UGGT2: variants seen among roughly 807,000 people sequenced by gnomAD.
UGGT2 encodes the protein UDP-glucose:glycoprotein glucosyltransferase 2.
Under a neutral mutation model 192.1 loss-of-function variants are expected in UGGT2, and 180 were observed. That is an observed-to-expected ratio of 0.94 (90% confidence interval 0.83 to 1.06). The LOEUF is 1.06. UGGT2 is among the 50% of genes least tolerant of loss of function. The probability of loss-of-function intolerance (pLI) is 0.00; values close to 1 mark genes in which losing one functional copy is unlikely to be tolerated. For synonymous variants in UGGT2, 580 were observed against 591.0 expected (o/e 0.98, Z 0.27); for missense variants, 1,849 against 1,795.7 (o/e 1.03, Z -0.54).
At chr13:96,048,639 A>C (rs972157002) in intron 1 of UGGT2, among the ~76,000 whole-genome samples, 10 of 152,232 alleles carry the variant, frequency 6.6e-5, no homozygotes, top group African/African-American at 2.4e-4. Context: ...TGCAATAAAA[A>C]ATGATAAAGG....
chr13:95,965,257 C>T (rs201016293), intron 12 of UGGT2, among the ~76,000 whole-genome samples: 9,144 of 148,612 alleles, frequency 0.062, 347 homozygotes, highest in East Asian at 0.18. Context: ...ACCCAAAGGA[C>T]TATAAATCAT....
At position 96,023,573 on chromosome 13, in the gene UGGT2, TATGTACA is replaced by T. The variant is rs1405555349; in HGVS notation, c.372+49_372+55del. 1.9e-6 allele frequency: 3 copies of T among 1,548,910 alleles called. No individual in the cohort carries two copies. The African/African-American group carries it at 4.1e-5, about 21-fold the overall frequency. On this transcript the variant is annotated intron_variant, in intron 3 of 38. Coordinates refer to ENST00000376747, the MANE Select transcript of UGGT2 (RefSeq NM_020121.4). ...TAAAGATGTTCATATTAAAGAACTC[TATGTACA>T]TTGCTAGCGTGCCTCTTTGTCAAAT...
intron 20 of UGGT2, among the ~76,000 whole-genome samples, chr13:95,912,475 C>T (rs1303454126): frequency 1.3e-5 from 2 of 152,166 alleles, no homozygotes. Flanking sequence ...CATGAGTGAA[C>T]TCCCATTCAG....
chr13:95,994,638 T>C (rs560456485), intron 7 of UGGT2, among the ~76,000 whole-genome samples: 149 of 152,078 alleles, frequency 9.8e-4, no homozygotes, highest in Non-Finnish European at 1.7e-3. Flanking sequence ...CTCTCCAAAT[T>C]TAAAAACTTC....
chr13:95,912,634 C>A (rs553743032), intron 20 of UGGT2, among the ~76,000 whole-genome samples: 13 of 152,132 alleles, frequency 8.5e-5, no homozygotes, highest in African/African-American at 2.9e-4. Flanking sequence ...GATAGGAAGA[C>A]TCAATATCAT....
chr13:95,970,205 C>T lies in UGGT2; in HGVS notation c.1242G>A (p.Gly414=), dbSNP rs778349705. The T allele has an allele frequency of 6.2e-7, 1 of 1,613,280 alleles. No homozygotes were observed. The highest frequency in any genetic ancestry group is 8.5e-7 in the Non-Finnish European group (1 of 1,179,402). ...ATTTGCTCATATCTTCCCCATTGAT[C>T]CCAAGATTGCGAAGGCCATTCATCA... is the stretch of plus-strand genomic sequence containing the variant. The part of the protein sequence containing the change: ...GKMMNGLRNL[G]INGEDMSKFL... The change falls in exon 12 of 39, where the codon GGG becomes GGA. Residue 414 remains glycine, a synonymous_variant. Coordinates refer to ENST00000376747, the MANE Select transcript of UGGT2 (RefSeq NM_020121.4).
intron 20 of UGGT2, among the ~76,000 whole-genome samples, chr13:95,905,471 G>C (rs2140307884): frequency 6.6e-6 from 1 of 151,964 alleles, no homozygotes; most frequent in African/African-American, 2.4e-5. Flanking sequence ...ATTGATTTTT[G>C]TATAAGGTGT....
chr13:96,048,893 T>A (rs908203469), intron 1 of UGGT2, among the ~76,000 whole-genome samples: 11 of 152,182 alleles, frequency 7.2e-5, no homozygotes, highest in African/African-American at 2.4e-4. Context: ...AGCCAAATTG[T>A]ACCAAAGGTA....
chr13:95,966,195 A>G (rs1359831408), intron 12 of UGGT2, among the ~76,000 whole-genome samples: 3 of 152,354 alleles, frequency 2.0e-5, no homozygotes, highest in South Asian at 4.1e-4. Flanking sequence ...TATATTCACA[A>G]TGGAGTATTA....
At chr13:95,912,008 C>A (rs1283206562) in intron 20 of UGGT2, among the ~76,000 whole-genome samples, 2 of 152,152 alleles carry the variant, frequency 1.3e-5, no homozygotes, top group East Asian at 3.8e-4. Flanking sequence ...TCAATAGATG[C>A]AGAAAAGGCC....
chr13:95,860,708 T>C, intron 32 of UGGT2, 80 bp downstream of exon 32: 1 of 899,958 alleles, frequency 1.1e-6, no homozygotes, highest in Non-Finnish European at 1.6e-6. Flanking sequence ...TTTCCCAGTG[T>C]ATATTCCTTT....
intron 12 of UGGT2, among the ~76,000 whole-genome samples, chr13:95,957,817 AC>A (rs762941349): frequency 3.8e-4 from 58 of 152,232 alleles, no homozygotes; most frequent in Non-Finnish European, 1.0e-4. Flanking sequence ...ATTCTTTTCT[AC>A]AAAAGCTAAA....
intron 7 of UGGT2, among the ~76,000 whole-genome samples, chr13:95,994,294 G>T (rs948466563): frequency 6.6e-6 from 1 of 151,626 alleles, no homozygotes; most frequent in African/African-American, 2.4e-5. Flanking sequence ...TAAAAATAAA[G>T]AAACCAATAT....
At position 95,927,298 on chromosome 13, in the gene UGGT2, T is replaced by C. The variant is rs766719684; in HGVS notation, c.2016A>G (p.Leu672=). ...GGGGTACAACATTATTCCTATCCAT[T>C]AGAAAATCAATTGCATTCGTGCGAT... ...LNDRTNAIDF[L]MDRNNVVPRI... Residue 672 remains leucine, a synonymous_variant, in exon 18 of 39, where the codon CTA becomes CTG. Transcript: ENST00000376747. The C allele has an allele frequency of 8.1e-6, 13 of 1,609,818 alleles. No homozygotes were observed. The highest frequency in any genetic ancestry group is 1.1e-5 in the Non-Finnish European group (13 of 1,178,912).
At chr13:95,803,259 T>C (rs1884150765) in intron 38 of UGGT2, among the ~76,000 whole-genome samples, 1 of 151,568 alleles carries the variant, frequency 6.6e-6, no homozygotes. Flanking sequence ...GGTTTTTGGT[T>C]TATTTATTTA....
chr13:95,884,581 G>A lies in UGGT2; in HGVS notation c.3138C>T (p.Pro1046=). 1 of 1,613,952 alleles carries A rather than the reference G, an allele frequency of 6.2e-7. No homozygotes were observed. ...GAGTAATCATGTTGAGGATTAGGAG[G>A]GGTGATTCAGGAATATCCAAAAATT... The part of the protein sequence containing the change: ...VAKFLDIPES[P]LLILNMITPE... Residue 1046 remains proline (P), a synonymous_variant, in exon 27 of 39, where the codon CCC becomes CCT. Coordinates refer to ENST00000376747, the MANE Select transcript of UGGT2 (RefSeq NM_020121.4).
intron 30 of UGGT2, among the ~76,000 whole-genome samples, chr13:95,864,838 T>C (rs1242723902): frequency 2.0e-5 from 3 of 152,178 alleles, no homozygotes; most frequent in Non-Finnish European, 4.4e-5. Context: ...TTCATTGTAC[T>C]GGCAAACATC....
At chr13:95,861,952 T>C (rs543289519) in intron 31 of UGGT2, among the ~76,000 whole-genome samples, 18 of 152,190 alleles carry the variant, frequency 1.2e-4, no homozygotes, top group Non-Finnish European at 2.1e-4. Context: ...TTGTTTTTGG[T>C]ATCCTTTTAA....
chr13:95,865,421 G>A (rs1348752411), intron 30 of UGGT2, among the ~76,000 whole-genome samples: 1 of 152,206 alleles, frequency 6.6e-6, no homozygotes, highest in Admixed American at 6.5e-5. Context: ...AAGGCGGGTG[G>A]ATCACTTGAG....
Sources: allele counts gnomAD v4.1 joint callset (sites outside exome capture counted in the v4.1 genomes callset), GRCh38; gene constraint gnomAD v4.1.1; transcripts MANE v1.5; gene names NCBI Gene and HGNC (gene_info 2026-07-23, HGNC 2026-07-21).